Variants in WDR45B observed in about 807,000 individuals in gnomAD.
The protein encoded by WDR45B is WD repeat domain phosphoinositide-interacting protein 3.
WDR45B carries 20 observed loss-of-function variants against 44.6 expected under a neutral mutation model. The ratio of observed to expected loss-of-function variants is 0.45; its 90% CI spans 0.32 to 0.65. The LOEUF is 0.65. WDR45B is among the 30% of genes least tolerant of loss of function. The pLI is 0.05. For missense variants in WDR45B, 323 were observed against 430.2 expected (o/e 0.75, Z 2.20); for synonymous variants, 169 against 164.9 (o/e 1.02, Z -0.19).
chr17:82,636,244 G>A (rs1318915703), intron 2 of WDR45B, among the ~76,000 whole-genome samples: 1 of 123,324 alleles, frequency 8.1e-6, no homozygotes, highest in African/African-American at 3.3e-5. Flanking sequence ...CTGGGTGACA[G>A]AGCAAGACTC....
At chr17:82,621,507 G>A in intron 6 of WDR45B, 102 bp downstream of exon 6, 1 of 1,504,258 alleles carries the variant, frequency 6.6e-7, no homozygotes, top group Non-Finnish European at 9.2e-7. Flanking sequence ...TCCAGGTTGG[G>A]GCAGGCCCAC....
At chr17:82,636,708 T>C (rs188940995) in intron 2 of WDR45B, 2 of 152,062 alleles carry the variant, frequency 1.3e-5, no homozygotes, top group African/African-American at 4.8e-5. Flanking sequence ...AACTTCCTTA[T>C]CCTTTGTTCT....
intron 5 of WDR45B, among the ~76,000 whole-genome samples, chr17:82,622,014 T>C (rs2045626014): frequency 6.6e-6 from 1 of 152,108 alleles, no homozygotes; most frequent in Non-Finnish European, 1.5e-5. Flanking sequence ...AATCAAGACA[T>C]CTGCTGAACA....
At chr17:82,638,685 G>A (rs781500417) in intron 2 of WDR45B, among the ~76,000 whole-genome samples, 2 of 151,938 alleles carry the variant, frequency 1.3e-5, no homozygotes, top group South Asian at 2.1e-4. Flanking sequence ...CTGTCATGTC[G>A]TGCAGTCCCT....
chr17:82,635,513 C>A (rs558216328), intron 2 of WDR45B, among the ~76,000 whole-genome samples: 10 of 151,068 alleles, frequency 6.6e-5, no homozygotes, highest in Non-Finnish European at 1.5e-4. Context: ...GCAACCTCCA[C>A]CTCCTGGGTT....
At chr17:82,617,605 G>T in intron 7 of WDR45B, 1 of 604,388 alleles carries the variant, frequency 1.7e-6, no homozygotes, top group Admixed American at 2.3e-5. Flanking sequence ...ACAATCCAGT[G>T]TATCACGGCA....
intron 3 of WDR45B, among the ~76,000 whole-genome samples, chr17:82,627,734 C>T (rs1241856382): frequency 2.6e-5 from 4 of 152,280 alleles, no homozygotes; most frequent in Admixed American, 1.3e-4. Flanking sequence ...CCACTGGCCT[C>T]GCACACAGGC....
chr17:82,618,897 C>A, intron 7 of WDR45B, 146 bp downstream of exon 7: 1 of 720,638 alleles, frequency 1.4e-6, no homozygotes, highest in Non-Finnish European at 2.5e-6. Flanking sequence ...AGCTGAAACC[C>A]AACCCCCTAG....
At chr17:82,616,805 AATTTT>A in intron 8 of WDR45B, among the ~76,000 whole-genome samples, 160 bp from the exon 9 acceptor site, 1 of 152,134 alleles carries the variant, frequency 6.6e-6, no homozygotes, top group South Asian at 2.1e-4. Context: ...CCTGTTGTAC[AATTTT>A]ATTTAAAAAA....
intron 5 of WDR45B, among the ~76,000 whole-genome samples, chr17:82,624,005 T>G (rs1472626321): frequency 6.6e-6 from 1 of 152,028 alleles, no homozygotes; most frequent in African/African-American, 2.4e-5. Context: ...AACGGCCGCA[T>G]TTTATAGTCA....
At chr17:82,621,033 G>A in intron 6 of WDR45B, among the ~76,000 whole-genome samples, 1 of 150,804 alleles carries the variant, frequency 6.6e-6, no homozygotes, top group Non-Finnish European at 1.5e-5. Flanking sequence ...AATCAACTTG[G>A]ATGTGGACGT....
chr17:82,628,425 A>G (rs1382105084), intron 3 of WDR45B, among the ~76,000 whole-genome samples: 1 of 150,218 alleles, frequency 6.7e-6, no homozygotes, highest in Non-Finnish European at 1.5e-5. Context: ...GAGAATGCCA[A>G]CCAGCACCGT....
chr17:82,643,529 C>T (rs890705051), intron 2 of WDR45B, among the ~76,000 whole-genome samples: 1 of 152,148 alleles, frequency 6.6e-6, no homozygotes, highest in Non-Finnish European at 1.5e-5. Context: ...AGGACTCAAA[C>T]GTACACAGCA....
chr17:82,628,752 C>A (rs974344675), intron 3 of WDR45B, among the ~76,000 whole-genome samples: 1 of 151,618 alleles, frequency 6.6e-6, no homozygotes, highest in Non-Finnish European at 1.5e-5. Context: ...GTAATCCCAG[C>A]GCTTTGGGAG....
chr17:82,629,970 T>TTCC, intron 3 of WDR45B: 1 of 968,370 alleles, frequency 1.0e-6, no homozygotes, highest in Non-Finnish European at 1.2e-6. Context: ...CCTCACCTCC[T>TTCC]CCCACCCTAC....
At chr17:82,636,191 G>A (rs933311654) in intron 2 of WDR45B, among the ~76,000 whole-genome samples, 2 of 150,642 alleles carry the variant, frequency 1.3e-5, no homozygotes, top group Non-Finnish European at 2.9e-5. Context: ...AACCCGGCAG[G>A]TGGAGGTTGC....
At chr17:82,624,248 G>A (rs976090752) in intron 5 of WDR45B, among the ~76,000 whole-genome samples, 4 of 152,216 alleles carry the variant, frequency 2.6e-5, no homozygotes, top group Non-Finnish European at 5.9e-5. Context: ...ACTGTCCCAA[G>A]AAAGTTTTCC....
At chr17:82,618,758 C>CA (rs951726622) in intron 7 of WDR45B, among the ~76,000 whole-genome samples, 24 of 151,906 alleles carry the variant, frequency 1.6e-4, no homozygotes, top group Middle Eastern at 3.4e-3. Flanking sequence ...AAAAAAACAA[C>CA]AAAAAAAACC....
intron 6 of WDR45B, among the ~76,000 whole-genome samples, chr17:82,620,604 A>G (rs1368683147): frequency 2.6e-5 from 4 of 152,202 alleles, no homozygotes; most frequent in Non-Finnish European, 5.9e-5. Flanking sequence ...ACTGAACCTC[A>G]GTGCACTGTG....
Sources: allele counts gnomAD v4.1 joint callset (sites outside exome capture counted in the v4.1 genomes callset), GRCh38; gene constraint gnomAD v4.1.1; transcripts MANE v1.5; gene names NCBI Gene and HGNC (gene_info 2026-07-23, HGNC 2026-07-21).